The following SBF2 variants were observed in gnomAD, a reference collection of about 807,000 sequenced individuals.
SBF2 encodes myotubularin-related protein 13.
SBF2 carries 112 observed loss-of-function variants against 225.2 expected under a neutral mutation model. That is an observed-to-expected ratio of 0.50 (90% CI 0.43 to 0.58). SBF2 has a LOEUF of 0.58. Ranked by LOEUF, SBF2 falls within the 20% of genes least tolerant of loss-of-function variation. The pLI is 0.00. For synonymous variants in SBF2, 763 were observed against 773.3 expected (o/e 0.99, Z 0.22); for missense variants, 1,996 against 2,206.2 (o/e 0.90, Z 1.91).
intron 1 of SBF2, among the ~76,000 whole-genome samples, chr11:10,252,717 G>A (rs1960477354): frequency 6.6e-6 from 1 of 151,756 alleles, no homozygotes; most frequent in Admixed American, 6.6e-5. Context: ...GGCTGAGGCA[G>A]GAGAATGGCG....
chr11:10,177,462 T>C (rs1956521198), intron 2 of SBF2, among the ~76,000 whole-genome samples: 2 of 150,414 alleles, frequency 1.3e-5, no homozygotes, highest in Admixed American at 1.3e-4. Flanking sequence ...CAGTCCAAAA[T>C]CTCCTTAAGC....
intron 17 of SBF2, among the ~76,000 whole-genome samples, chr11:9,873,323 G>C (rs559982494): frequency 2.0e-5 from 3 of 151,942 alleles, no homozygotes; most frequent in Admixed American, 6.5e-5. Flanking sequence ...AACCACAAAT[G>C]GTGGTTATAG....
Position 9,812,597 on chromosome 11 carries a change from T to C in SBF2, c.4090A>G (p.Thr1364Ala), listed in dbSNP as rs767276878. 1.9e-6 allele frequency: 3 copies of C among 1,614,092 alleles called. No individual in the cohort carries two copies. The highest frequency in any genetic ancestry group is 1.3e-5 in the African/African-American group (1 of 74,934). The change falls in exon 30 of 40, where the codon ACC becomes GCC. Residue 1364 changes from threonine (T) to alanine (A), a missense_variant. Thr to Ala is a moderately conservative substitution (Grantham distance 58). Coordinates refer to ENST00000256190, the MANE Select transcript of SBF2 (RefSeq NM_030962.4). ...GTCACTTCTGAGTCAGTAGGGATGG[T>C]GCTTGGGATACAAGCCCTCATCAGC... Reference protein sequence around the residue: ...KKLMRACIPSTIPTDSEVTFL... With the variant: ...KKLMRACIPSAIPTDSEVTFL...
At chr11:10,064,699 T>G (rs1200608602) in intron 2 of SBF2, among the ~76,000 whole-genome samples, 1 of 152,188 alleles carries the variant, frequency 6.6e-6, no homozygotes, top group African/African-American at 2.4e-5. Context: ...CATTTTATAA[T>G]GATATATGGG....
chr11:9,968,221 T>C (rs778289703), intron 14 of SBF2, 120 bp downstream of exon 14: 8 of 878,918 alleles, frequency 9.1e-6, no homozygotes, highest in Non-Finnish European at 1.5e-5. Context: ...GATAATGCTC[T>C]GATTCTAGCT....
At chr11:10,227,169 G>GTTGT in intron 1 of SBF2, among the ~76,000 whole-genome samples, 1 of 151,484 alleles carries the variant, frequency 6.6e-6, no homozygotes, top group East Asian at 1.9e-4. Flanking sequence ...TTTTGATGGG[G>GTTGT]TTGTTTTTTT....
intron 6 of SBF2, among the ~76,000 whole-genome samples, chr11:10,023,550 C>T (rs1462032660): frequency 6.6e-6 from 1 of 152,136 alleles, no homozygotes. Flanking sequence ...CCCTCGAGCC[C>T]CTTATAATCA....
At chr11:10,176,963 T>A (rs1213435953) in intron 2 of SBF2, among the ~76,000 whole-genome samples, 1 of 151,996 alleles carries the variant, frequency 6.6e-6, no homozygotes, top group African/African-American at 2.4e-5. Flanking sequence ...GCAAACCGAA[T>A]CCAGCAGCAC....
chr11:10,265,067 A>C (rs1203717835), intron 1 of SBF2, among the ~76,000 whole-genome samples: 1 of 152,114 alleles, frequency 6.6e-6, no homozygotes, highest in African/African-American at 2.4e-5. Flanking sequence ...TTTACAGCAG[A>C]ATGATTTATA....
chr11:9,861,278 T>C (rs954510833), intron 17 of SBF2, among the ~76,000 whole-genome samples: 1 of 152,222 alleles, frequency 6.6e-6, no homozygotes, highest in African/African-American at 2.4e-5. Flanking sequence ...CATTGCAGCC[T>C]AGAACTCCTG....
At chr11:10,018,303 C>T (rs781351343) in intron 6 of SBF2, among the ~76,000 whole-genome samples, 8 of 151,488 alleles carry the variant, frequency 5.3e-5, no homozygotes, top group Non-Finnish European at 8.8e-5. Context: ...TCAGTGAAGA[C>T]GAAAGACTGG....
At chr11:9,843,548 G>A (rs187064957) in intron 24 of SBF2, among the ~76,000 whole-genome samples, 1 of 152,286 alleles carries the variant, frequency 6.6e-6, no homozygotes, top group East Asian at 1.9e-4. Flanking sequence ...TCAGATGGAG[G>A]TGAAGACTCT....
chr11:10,173,479 A>G (rs1399831407), intron 2 of SBF2, among the ~76,000 whole-genome samples: 1 of 152,166 alleles, frequency 6.6e-6, no homozygotes, highest in Admixed American at 6.5e-5. Context: ...GCACCAGGAG[A>G]TTATATCCCC....
chr11:10,200,765 A>G (rs2135352171), intron 1 of SBF2, among the ~76,000 whole-genome samples: 1 of 152,338 alleles, frequency 6.6e-6, no homozygotes, highest in South Asian at 2.1e-4. Flanking sequence ...ATATATATTG[A>G]CAAACTCTCA....
intron 2 of SBF2, among the ~76,000 whole-genome samples, chr11:10,168,655 T>G (rs1176429119): frequency 1.3e-5 from 2 of 152,208 alleles, no homozygotes; most frequent in Non-Finnish European, 2.9e-5. Context: ...TAAAAGAATC[T>G]GTAGTTAATA....
At chr11:9,881,817 T>C (rs1859784718) in intron 17 of SBF2, among the ~76,000 whole-genome samples, 1 of 151,466 alleles carries the variant, frequency 6.6e-6, no homozygotes, top group African/African-American at 2.4e-5. Flanking sequence ...ACCCCATCTC[T>C]AAAAAAAATA....
At chr11:10,107,479 G>A (rs1952605196) in intron 2 of SBF2, among the ~76,000 whole-genome samples, 1 of 151,792 alleles carries the variant, frequency 6.6e-6, no homozygotes, top group Non-Finnish European at 1.5e-5. Context: ...AGTTTCACAG[G>A]GCTGCTGTGA....
At chr11:9,936,737 G>T (rs142276038) in intron 16 of SBF2, among the ~76,000 whole-genome samples, 2,118 of 152,260 alleles carry the variant, frequency 0.014, 50 homozygotes, top group African/African-American at 0.047. Flanking sequence ...TCACTCATAG[G>T]TGGGAATTGA....
chr11:10,040,000 T>C (rs1263507738), intron 3 of SBF2, among the ~76,000 whole-genome samples: 1 of 151,652 alleles, frequency 6.6e-6, no homozygotes, highest in Non-Finnish European at 1.5e-5. Context: ...CTGCTTATAG[T>C]AAAAGGTCGA....
Sources: gnomAD v4.1 joint callset for allele counts (sites outside exome capture counted in the v4.1 genomes callset) on GRCh38, gnomAD v4.1.1 for gene constraint, MANE v1.5 for transcripts, NCBI Gene and HGNC (gene_info 2026-07-23, HGNC 2026-07-21) for gene names.